Variants in FBXL20 observed in about 807,000 individuals in gnomAD.
FBXL20 encodes the protein F-box/LRR-repeat protein 20.
In FBXL20, 11 loss-of-function variants were observed where a neutral mutation model predicts 64.0. The observed-to-expected ratio is 0.17, with a 90% CI of 0.11 to 0.28. FBXL20 has a LOEUF of 0.28. FBXL20 is among the 10% of genes least tolerant of loss of function. FBXL20 has a pLI of 1.00. For synonymous variants in FBXL20, 184 were observed against 189.0 expected, an observed-to-expected ratio of 0.97 and a Z score of 0.22; for missense variants, 303 against 526.2, an observed-to-expected ratio of 0.58 and a Z score of 4.15.
intron 1 of FBXL20, among the ~76,000 whole-genome samples, chr17:39,395,670 C>T (rs1264323222): frequency 6.6e-6 from 1 of 152,180 alleles, no homozygotes; most frequent in Non-Finnish European, 1.5e-5. Context: ...CTGTCACCCA[C>T]TAGAAAAATA....
rs75035312 is a variant in FBXL20, at chr17:39,345,948, G to A, written c.43-2707C>T. On this transcript the variant is annotated intron_variant, in intron 1 of 14. Coordinates refer to ENST00000264658, the MANE Select transcript of FBXL20 (RefSeq NM_032875.3). ...GCATAATTTTAGGGTTGTGCACAGA[G>A]CCTGCTACATGGCAGGAAATCAATA... is the stretch of plus-strand genomic sequence containing the variant. Among the ~76,000 whole-genome samples, 1,394 of 152,270 alleles carry A rather than the reference G, an allele frequency of 9.2e-3. 17 individuals are homozygous for A. The highest frequency in any genetic ancestry group is 0.032 in the African/African-American group (1,318 of 41,548).
intron 1 of FBXL20, among the ~76,000 whole-genome samples, chr17:39,345,402 ATATGTACAAAATAATGG>A (rs1242168324): frequency 6.6e-6 from 1 of 152,164 alleles, no homozygotes; most frequent in Non-Finnish European, 1.5e-5. Context: ...AAAGATAACA[ATATGTACAAAATAATGG>A]AGTCATACAT....
intron 2 of FBXL20, among the ~76,000 whole-genome samples, chr17:39,317,980 G>T (rs532355760): frequency 6.6e-6 from 1 of 152,072 alleles, no homozygotes; most frequent in Non-Finnish European, 1.5e-5. Flanking sequence ...GATTACAGGC[G>T]TGAGCCACCG....
At chr17:39,383,767 T>A (rs2048049787) in intron 1 of FBXL20, among the ~76,000 whole-genome samples, 2 of 151,790 alleles carry the variant, frequency 1.3e-5, no homozygotes, top group Admixed American at 6.6e-5. Context: ...TTTTTTGTAT[T>A]TTAGTAGAGA....
intron 1 of FBXL20, among the ~76,000 whole-genome samples, chr17:39,400,965 A>G (rs2048235776): frequency 6.6e-6 from 1 of 152,186 alleles, no homozygotes. Context: ...TCCTCCCTCA[A>G]CAGACAACAA....
intron 1 of FBXL20, among the ~76,000 whole-genome samples, chr17:39,389,104 CAAAAAAA>C (rs752930971): frequency 6.5e-4 from 34 of 52,704 alleles, no homozygotes; most frequent in South Asian, 3.5e-3. Flanking sequence ...AACTCCATCT[CAAAAAAA>C]AAAAAAAAAA....
At chr17:39,301,713 G>A (rs1246120407) in intron 3 of FBXL20, among the ~76,000 whole-genome samples, 1 of 150,704 alleles carries the variant, frequency 6.6e-6, no homozygotes, top group Non-Finnish European at 1.5e-5. Context: ...GGGCGACAGA[G>A]CGAAACTTCA....
intron 1 of FBXL20, among the ~76,000 whole-genome samples, chr17:39,369,597 C>G (rs1464007025): frequency 6.6e-6 from 1 of 152,070 alleles, no homozygotes; most frequent in Non-Finnish European, 1.5e-5. Context: ...ATGATCCACC[C>G]GGCTTGGCCT....
intron 9 of FBXL20, among the ~76,000 whole-genome samples, chr17:39,276,528 G>A (rs1358217727): frequency 6.6e-6 from 1 of 151,944 alleles, no homozygotes. Context: ...AATTAGCCAG[G>A]CGCAGTGGCG....
At chr17:39,318,992 T>C (rs1484672238) in intron 2 of FBXL20, among the ~76,000 whole-genome samples, 1 of 149,914 alleles carries the variant, frequency 6.7e-6, no homozygotes, top group Admixed American at 6.7e-5. Context: ...GGCTCACGCC[T>C]GTAATCTCAG....
chr17:39,343,631 C>CTGAG (rs1007930620), intron 1 of FBXL20, among the ~76,000 whole-genome samples: 1 of 151,920 alleles, frequency 6.6e-6, no homozygotes, highest in Non-Finnish European at 1.5e-5. Context: ...CTTTCAGAGG[C>CTGAG]TGAGGCAAGC....
chr17:39,288,592 A>G (rs1451722332), intron 6 of FBXL20, among the ~76,000 whole-genome samples: 1 of 151,960 alleles, frequency 6.6e-6, no homozygotes, highest in Admixed American at 6.6e-5. Context: ...TTGAGACTAC[A>G]GGTATAGGTC....
intron 7 of FBXL20, 101 bp from the exon 8 acceptor site, chr17:39,282,956 C>T (rs2046960709): frequency 7.4e-7 from 1 of 1,346,264 alleles, no homozygotes; most frequent in Non-Finnish European, 1.0e-6. Flanking sequence ...TGGAAACATT[C>T]CCATTTTTTC....
chr17:39,302,161 A>G (rs2047141782), intron 3 of FBXL20, among the ~76,000 whole-genome samples: 1 of 152,052 alleles, frequency 6.6e-6, no homozygotes, highest in Non-Finnish European at 1.5e-5. Flanking sequence ...AGTACTCTGA[A>G]TATTGCTCTA....
chr17:39,353,429 GTTAT>G (rs2047706893), intron 1 of FBXL20, among the ~76,000 whole-genome samples: 1 of 151,926 alleles, frequency 6.6e-6, no homozygotes, highest in Non-Finnish European at 1.5e-5. Flanking sequence ...TATTTTATTA[GTTAT>G]TTTTGTTAAT....
chr17:39,398,916 A>AC (rs2048213773), intron 1 of FBXL20, among the ~76,000 whole-genome samples: 1 of 151,772 alleles, frequency 6.6e-6, no homozygotes, highest in African/African-American at 2.4e-5. Flanking sequence ...CTCGTGATCC[A>AC]CCCACCTCGG....
intron 1 of FBXL20, among the ~76,000 whole-genome samples, chr17:39,368,149 G>A (rs1042281577): frequency 1.3e-5 from 2 of 152,156 alleles, no homozygotes; most frequent in Admixed American, 1.3e-4. Context: ...AACACTTTGG[G>A]AGGCCAAGGT....
intron 12 of FBXL20, 35 bp downstream of exon 12, chr17:39,268,792 A>G: frequency 1.3e-6 from 2 of 1,576,308 alleles, no homozygotes; most frequent in Non-Finnish European, 8.7e-7. Flanking sequence ...AGTGTCTACT[A>G]TACTGTATTT....
At chr17:39,399,876 A>T (rs554445233) in intron 1 of FBXL20, among the ~76,000 whole-genome samples, 223 of 152,362 alleles carry the variant, frequency 1.5e-3, no homozygotes, top group Non-Finnish European at 2.4e-3. Flanking sequence ...CAGCAAACTG[A>T]TAAAGAGCTA....
Sources: allele counts gnomAD v4.1 joint callset (sites outside exome capture counted in the v4.1 genomes callset), GRCh38; gene constraint gnomAD v4.1.1; transcripts MANE v1.5; gene names NCBI Gene and HGNC (gene_info 2026-07-23, HGNC 2026-07-21).